RTN1: variants seen among roughly 807,000 people sequenced by gnomAD.
RTN1 encodes the protein reticulon-1.
In RTN1, 25 loss-of-function variants were observed where a neutral mutation model predicts 65.5. The observed-to-expected ratio is 0.38, with a 90% CI of 0.28 to 0.53. RTN1 has a LOEUF of 0.53. Ranked by LOEUF, RTN1 falls within the 20% of genes least tolerant of loss-of-function variation. The pLI is 0.79. For synonymous variants in RTN1, 471 were observed against 447.6 expected (o/e 1.05, Z -0.66); for missense variants, 983 against 1,025.4 (o/e 0.96, Z 0.57).
At chr14:59,643,780 ACT>A (rs1034517686) in intron 3 of RTN1, among the ~76,000 whole-genome samples, 3 of 152,132 alleles carry the variant, frequency 2.0e-5, no homozygotes, top group Admixed American at 1.3e-4. Context: ...AATAACAATA[ACT>A]CTCAGTTAAA....
chr14:59,733,763 C>T (rs1884950076), intron 2 of RTN1, among the ~76,000 whole-genome samples: 1 of 152,262 alleles, frequency 6.6e-6, no homozygotes, highest in Admixed American at 6.5e-5. Context: ...AGGGACAGGA[C>T]AGGCTGCCAC....
At position 59,727,218 on chromosome 14, in the gene RTN1, G is replaced by C. The variant is rs936791656; in HGVS notation, c.1466C>G (p.Pro489Arg). 2 of 1,569,508 alleles carry C rather than the reference G, an allele frequency of 1.3e-6. No individual in the cohort carries two copies. Among genetic ancestry groups the C allele is most frequent in the Non-Finnish European group, 1.7e-6 (2 of 1,157,972 alleles). The change falls in exon 3 of 9, where the codon CCG (proline) becomes CGG (arginine). Residue 489 changes from proline to arginine, a missense_variant. Physicochemically the swap from Pro to Arg is moderately radical, Grantham distance 103. Coordinates refer to ENST00000267484, the MANE Select transcript of RTN1 (RefSeq NM_021136.3). The surrounding 1 kb of genome is among the most constrained non-coding windows in gnomAD (Gnocchi z 4.2). ...ESPKREQDSP[P>R]MKPSALDAIR... is the part of the protein sequence containing the mutation. Reference sequence around the variant, plus strand: ...GGCATCCAGGGCGCTGGGCTTCATCGGGGGTGAGTCCTGCTCCCGCTTGGG... The same window carrying C: ...GGCATCCAGGGCGCTGGGCTTCATCCGGGGTGAGTCCTGCTCCCGCTTGGG...
At chr14:59,686,693 C>T (rs976998661) in intron 3 of RTN1, among the ~76,000 whole-genome samples, 1 of 152,178 alleles carries the variant, frequency 6.6e-6, no homozygotes, top group African/African-American at 2.4e-5. Context: ...AGAGAGCCTC[C>T]TCTGTGACTC....
At chr14:59,731,992 G>A (rs1052370557) in intron 2 of RTN1, among the ~76,000 whole-genome samples, 1 of 152,184 alleles carries the variant, frequency 6.6e-6, no homozygotes. Context: ...AAACAAAACA[G>A]AATGGGCTAG....
intron 3 of RTN1, among the ~76,000 whole-genome samples, chr14:59,658,121 G>A (rs1374776169): frequency 1.3e-5 from 2 of 152,224 alleles, no homozygotes; most frequent in African/African-American, 2.4e-5. Context: ...TGTAAACAAA[G>A]CCGAGCCTCG....
intron 1 of RTN1, among the ~76,000 whole-genome samples, chr14:59,862,169 T>C (rs1271419843): frequency 6.6e-6 from 1 of 152,228 alleles, no homozygotes; most frequent in Non-Finnish European, 1.5e-5. Context: ...TTTCAGAACT[T>C]ATAGTCAACA....
At chr14:59,720,479 T>A (rs568295928) in intron 3 of RTN1, among the ~76,000 whole-genome samples, 1 of 152,200 alleles carries the variant, frequency 6.6e-6, no homozygotes, top group East Asian at 1.9e-4. Context: ...TCCAGCATTT[T>A]GAGAGGCCAA....
intron 2 of RTN1, among the ~76,000 whole-genome samples, chr14:59,732,821 G>A (rs1196448000): frequency 3.3e-5 from 5 of 152,204 alleles, no homozygotes; most frequent in African/African-American, 4.8e-5. Flanking sequence ...GAGCAGTGTC[G>A]TTTTGTGGGC....
chr14:59,743,512 G>A (rs528776154), intron 2 of RTN1, among the ~76,000 whole-genome samples: 28 of 152,292 alleles, frequency 1.8e-4, no homozygotes, highest in African/African-American at 5.8e-4. Context: ...TGCATTGCCA[G>A]AAAGAGTACA....
At chr14:59,618,987 C>T (rs1882183396) in intron 3 of RTN1, among the ~76,000 whole-genome samples, 1 of 152,172 alleles carries the variant, frequency 6.6e-6, no homozygotes, top group Non-Finnish European at 1.5e-5. Context: ...GATGCCAACA[C>T]ATCTTGTACT....
chr14:59,666,962 C>CAAAA (rs146213616), intron 3 of RTN1, among the ~76,000 whole-genome samples: 43 of 60,112 alleles, frequency 7.2e-4, no homozygotes, highest in East Asian at 1.6e-3. Flanking sequence ...GCCGACCAAC[C>CAAAA]AAAAAAAAAA....
At chr14:59,828,188 C>T (rs1302901074) in intron 1 of RTN1, among the ~76,000 whole-genome samples, 1 of 152,174 alleles carries the variant, frequency 6.6e-6, no homozygotes, top group Non-Finnish European at 1.5e-5. Flanking sequence ...CTTCTGAAGA[C>T]CTTCAAACAT....
At chr14:59,795,411 T>C (rs1483334983) in intron 1 of RTN1, among the ~76,000 whole-genome samples, 1 of 152,074 alleles carries the variant, frequency 6.6e-6, no homozygotes, top group East Asian at 1.9e-4. Context: ...ATACATAAAA[T>C]CTAACTGGGC....
intron 3 of RTN1, among the ~76,000 whole-genome samples, chr14:59,690,536 G>A (rs1438479966): frequency 6.6e-6 from 1 of 151,936 alleles, no homozygotes; most frequent in Non-Finnish European, 1.5e-5. Flanking sequence ...AGATAATAGA[G>A]GCAGAAAACT....
At chr14:59,681,859 C>A (rs1883751998) in intron 3 of RTN1, among the ~76,000 whole-genome samples, 1 of 152,136 alleles carries the variant, frequency 6.6e-6, no homozygotes, top group Admixed American at 6.6e-5. Context: ...ACCTTGATTT[C>A]TACTTTCCAA....
chr14:59,870,268 G>T lies in RTN1; in HGVS notation c.241+122C>A. ...TCCCAGTCGCCCGTGGCGACGCGGG[G>T]GTGGGGTCGGCGCTCAAGGCAGAAA... On this transcript the variant is annotated intron_variant, in intron 1 of 8. Transcript: ENST00000267484. This position sits in a 1 kb window ranked among gnomAD's most constrained non-coding sequence, Gnocchi z 5.1. 1.0e-6 allele frequency: 1 copy of T among 978,748 alleles called. No homozygotes were observed. Among genetic ancestry groups the T allele is most frequent in the Non-Finnish European group, 1.3e-6 (1 of 741,152 alleles). The allele number at this position is 978,748 out of a possible 1,614,324, so 60.6% of individuals were successfully genotyped here. A position where few individuals can be genotyped will look rare whatever the true frequency, so the allele number is the denominator to read the frequency against.
At chr14:59,767,610 C>G (rs879255827) in intron 1 of RTN1, among the ~76,000 whole-genome samples, 2 of 152,108 alleles carry the variant, frequency 1.3e-5, no homozygotes, top group Admixed American at 6.5e-5. Context: ...AACAAGTAGA[C>G]AGCAGAAAGA....
At chr14:59,637,480 G>T (rs1412360598) in intron 3 of RTN1, among the ~76,000 whole-genome samples, 1 of 152,184 alleles carries the variant, frequency 6.6e-6, no homozygotes, top group Non-Finnish European at 1.5e-5. Flanking sequence ...TTGGGAGGCT[G>T]AGGCAGGCGG....
chr14:59,750,124 TTATCTATAATATATAATA>T (rs1885425917), intron 1 of RTN1, among the ~76,000 whole-genome samples: 1 of 75,002 alleles, frequency 1.3e-5, no homozygotes, highest in Non-Finnish European at 2.2e-5. Context: ...ATAATATATA[TTATCTATAATATATAATA>T]TATATATTAT....
Sources: allele counts gnomAD v4.1 joint callset (sites outside exome capture counted in the v4.1 genomes callset), GRCh38; gene constraint gnomAD v4.1.1; non-coding constraint Gnocchi (gnomAD v3.1); transcripts MANE v1.5; gene names NCBI Gene and HGNC (gene_info 2026-07-23, HGNC 2026-07-21).